Variants in THSD7B observed in about 807,000 individuals in gnomAD.
THSD7B encodes the protein thrombospondin type 1 domain containing 7B.
A neutral mutation model predicts 213.6 loss-of-function variants in THSD7B; 138 were observed. The observed-to-expected ratio is 0.65, with a 90% CI of 0.56 to 0.74. The LOEUF is 0.74. Among genes scored for constraint, THSD7B ranks in the 30% least tolerant of loss-of-function variants. The pLI, the probability that THSD7B is intolerant of heterozygous loss-of-function variation, is 0.00. For missense variants in THSD7B, 1,931 were observed against 1,991.5 expected, an observed-to-expected ratio of 0.97 and a Z score of 0.58; for synonymous variants, 742 against 687.0, an observed-to-expected ratio of 1.08 and a Z score of -1.25.
chr2:136,989,775 TG>T (rs1685734729), intron 2 of THSD7B, among the ~76,000 whole-genome samples: 1 of 152,118 alleles, frequency 6.6e-6, no homozygotes, highest in South Asian at 2.1e-4. Flanking sequence ...GGCAGCCAGC[TG>T]GGAGAGGGGT....
intron 5 of THSD7B, among the ~76,000 whole-genome samples, chr2:137,127,777 G>T (rs1688655632): frequency 6.6e-6 from 1 of 152,040 alleles, no homozygotes; most frequent in Non-Finnish European, 1.5e-5. Flanking sequence ...AATTAGCCAG[G>T]CGTGGTGGTG....
intron 1 of THSD7B, among the ~76,000 whole-genome samples, chr2:136,825,727 T>TTTTTTGTTTTTTTTTTTTTTA: frequency 6.8e-6 from 1 of 147,510 alleles, no homozygotes; most frequent in South Asian, 2.2e-4. Context: ...AATTTTTTTT[T>TTTTTTGTTTTTTTTTTTTTTA]TTTTTTTAGA....
intron 12 of THSD7B, among the ~76,000 whole-genome samples, chr2:137,300,662 T>G (rs1412246700): frequency 6.6e-6 from 1 of 152,152 alleles, no homozygotes; most frequent in Non-Finnish European, 1.5e-5. Flanking sequence ...TTATACGAAT[T>G]CATGAGAGGA....
At chr2:136,840,276 G>A (rs1289579393) in intron 1 of THSD7B, among the ~76,000 whole-genome samples, 1 of 152,162 alleles carries the variant, frequency 6.6e-6, no homozygotes, top group Non-Finnish European at 1.5e-5. Flanking sequence ...CTACTCAGGA[G>A]GCTGAGGCAG....
chr2:137,283,631 G>A (rs1349902606), intron 12 of THSD7B, among the ~76,000 whole-genome samples: 1 of 151,576 alleles, frequency 6.6e-6, no homozygotes, highest in African/African-American at 2.4e-5. Context: ...TTTGTCAAAG[G>A]CCTTTTCTGC....
rs147921528 is a variant in THSD7B, at chr2:137,490,360, C to T, written c.3138+39337C>T. ...ACACAAAGACCATATCTAAAAAAAT[C>T]GATTCCTAATAATGTTAGAAAGTGA... On this transcript the variant is annotated intron_variant, in intron 15 of 27. Transcript: ENST00000409968. 6.7e-4 allele frequency among the ~76,000 whole-genome samples: 102 copies of T among 152,244 alleles called. 1 individual carries two copies. Among genetic ancestry groups the T allele is most frequent in the African/African-American group, 2.2e-3 (92 of 41,534 alleles).
intron 10 of THSD7B, among the ~76,000 whole-genome samples, chr2:137,244,116 G>A (rs990180272): frequency 5.9e-5 from 9 of 152,122 alleles, no homozygotes; most frequent in African/African-American, 2.2e-4. Flanking sequence ...TCTACTCTGA[G>A]CCATTTGAAA....
At chr2:137,045,655 A>G (rs547717610) in intron 2 of THSD7B, among the ~76,000 whole-genome samples, 1 of 152,334 alleles carries the variant, frequency 6.6e-6, no homozygotes, top group East Asian at 1.9e-4. Flanking sequence ...ATTTATTTAC[A>G]TTCTTCAAGG....
chr2:137,662,632 A>G (rs1683372505), intron 25 of THSD7B, among the ~76,000 whole-genome samples: 1 of 152,188 alleles, frequency 6.6e-6, no homozygotes, highest in South Asian at 2.1e-4. Flanking sequence ...CAAAGAAGAT[A>G]TGTACATAAT....
At chr2:136,771,900 G>A (rs1486780176) in intron 1 of THSD7B, among the ~76,000 whole-genome samples, 1 of 152,102 alleles carries the variant, frequency 6.6e-6, no homozygotes, top group Non-Finnish European at 1.5e-5. Flanking sequence ...CCAATATCCA[G>A]GTAGGCAACA....
In THSD7B at chr2:137,663,508, A is replaced by T; in HGVS notation, c.4584A>T (p.Lys1528Asn). The T allele has an allele frequency of 6.2e-7, 1 of 1,607,508 alleles. No homozygotes were observed. The highest frequency in any genetic ancestry group is 1.1e-5 in the South Asian group (1 of 89,492). The change falls in exon 26 of 28, where the codon AAA becomes AAT. Residue 1528 changes from lysine (K) to asparagine (N), a missense_variant. Lys to Asn is a moderately conservative substitution (Grantham distance 94). Coordinates refer to ENST00000409968, the MANE Select transcript of THSD7B (RefSeq NM_001316349.2). ...CTGATGTGAAAAACCTTTCTGGGAA[A>T]AACAGACCTGTGAATTCAAAAATAC... The part of the protein sequence containing the change: ...KKADVKNLSG[K>N]NRPVNSKIHD...
rs562623645 is a variant in THSD7B at position 137,401,936 on chromosome 2, C to T, written c.2501-3677C>T. Among the ~76,000 whole-genome samples, 11 of 152,208 alleles carry T rather than the reference C, an allele frequency of 7.2e-5. No homozygotes were observed. The South Asian group carries it at 8.3e-4, about 11-fold the overall frequency. ...ATGCTTACAAATCTAGCACCAAATC[C>T]GGCGAAGATGCAAAAATATTTTCTC... On this transcript the variant is annotated intron_variant, in intron 12 of 27. Transcript: ENST00000409968.
At chr2:137,440,010 C>T (rs7575621) in intron 14 of THSD7B, among the ~76,000 whole-genome samples, 12,645 of 152,066 alleles carry the variant, frequency 0.083, 1,103 homozygotes, top group African/African-American at 0.22. Flanking sequence ...GAATGAAGAA[C>T]GCTTCCATCT....
chr2:137,006,256 G>A (rs992448091), intron 2 of THSD7B, among the ~76,000 whole-genome samples: 15 of 152,104 alleles, frequency 9.9e-5, no homozygotes, highest in African/African-American at 1.9e-4. Flanking sequence ...TTAGCCAGGC[G>A]TGGTGGCAGG....
intron 3 of THSD7B, among the ~76,000 whole-genome samples, chr2:137,091,963 A>C (rs962723625): frequency 3.3e-5 from 5 of 152,118 alleles, no homozygotes; most frequent in Admixed American, 6.5e-5. Context: ...GGCAACAGTG[A>C]CATTACTTTC....
At chr2:136,790,119 TTGTGTG>T (rs34366029) in intron 1 of THSD7B, among the ~76,000 whole-genome samples, 69 of 148,128 alleles carry the variant, frequency 4.7e-4, no homozygotes, top group Admixed American at 1.2e-3. Context: ...GTGTGTGTGT[TTGTGTG>T]TGTGTGTGTG....
At position 137,056,958 on chromosome 2, in the gene THSD7B, T is replaced by C. The variant is rs1687178812; in HGVS notation, c.678T>C (p.Cys226=). Residue 226 remains cysteine (C), a synonymous_variant, in exon 3 of 28, where the codon TGT becomes TGC. Coordinates refer to ENST00000409968, the MANE Select transcript of THSD7B (RefSeq NM_001316349.2). ...QCPNLTESRA[C]DAPISCPLGE... is the part of the protein sequence containing the mutation. ...CAAATCTGACTGAGTCAAGAGCCTG[T>C]GATGCTCCCATTTCCTGTCCTCTTG... 1.9e-6 allele frequency: 3 copies of C among 1,613,970 alleles called. No homozygotes were observed. The highest frequency in any genetic ancestry group is 4.5e-5 in the East Asian group (2 of 44,872).
chr2:137,655,394 C>A, intron 21 of THSD7B, 107 bp from the exon 22 acceptor site: 1 of 1,209,616 alleles, frequency 8.3e-7, no homozygotes, highest in Non-Finnish European at 1.1e-6. Flanking sequence ...GAAGAGGAAG[C>A]TACGAAAATA....
chr2:137,585,934 G>A (rs953001422), intron 17 of THSD7B, among the ~76,000 whole-genome samples: 1 of 152,168 alleles, frequency 6.6e-6, no homozygotes, highest in Non-Finnish European at 1.5e-5. Context: ...TTGACAGTGG[G>A]ATGTTAAAGT....
Sources: gnomAD v4.1 joint callset for allele counts (sites outside exome capture counted in the v4.1 genomes callset) on GRCh38, gnomAD v4.1.1 for gene constraint, MANE v1.5 for transcripts, NCBI Gene and HGNC (gene_info 2026-07-23, HGNC 2026-07-21) for gene names.